PGM2: variants seen among roughly 807,000 people sequenced by gnomAD.
PGM2 encodes phosphoglucomutase 2, also known as phosphopentomutase.
Under a neutral mutation model 74.6 loss-of-function variants are expected in PGM2, and 57 were observed. The ratio of observed to expected loss-of-function variants is 0.76; its 90% CI spans 0.62 to 0.95. The LOEUF is 0.95. Ranked by LOEUF, PGM2 falls within the 40% of genes least tolerant of loss-of-function variation. The pLI is 0.00. For missense variants in PGM2, 706 were observed against 741.9 expected, an observed-to-expected ratio of 0.95 and a Z score of 0.56; for synonymous variants, 273 against 260.7, an observed-to-expected ratio of 1.05 and a Z score of -0.46.
At chr4:37,831,805 C>T (rs961113460) in intron 2 of PGM2, among the ~76,000 whole-genome samples, 1 of 152,156 alleles carries the variant, frequency 6.6e-6, no homozygotes, top group Admixed American at 6.5e-5. Context: ...AAGGAGAGGG[C>T]ACATAGATAC....
chr4:37,845,031 T>C (rs541653912), intron 7 of PGM2, among the ~76,000 whole-genome samples: 1 of 151,986 alleles, frequency 6.6e-6, no homozygotes, highest in East Asian at 1.9e-4. Context: ...ATTAATTTCT[T>C]AAAGGATCTT....
chr4:37,836,959 G>A (rs898478943), intron 3 of PGM2, among the ~76,000 whole-genome samples: 1 of 152,098 alleles, frequency 6.6e-6, no homozygotes, highest in Non-Finnish European at 1.5e-5. Context: ...TCTGTGTGGT[G>A]TACGCTGGAT....
chr4:37,827,505 T>C (rs1725324487), intron 1 of PGM2, among the ~76,000 whole-genome samples: 1 of 152,018 alleles, frequency 6.6e-6, no homozygotes, highest in South Asian at 2.1e-4. Context: ...GCTGTTAGGT[T>C]TTCTCGGAAT....
chr4:37,855,966 A>C (rs1726181905), intron 13 of PGM2, among the ~76,000 whole-genome samples: 1 of 152,128 alleles, frequency 6.6e-6, no homozygotes, highest in Non-Finnish European at 1.5e-5. Flanking sequence ...TGTATGGGAA[A>C]ATTTTATCCT....
At position 37,845,608 on chromosome 4, in the gene PGM2, C is replaced by A. The variant is rs868040751; in HGVS notation, c.910-25C>A. 7.5e-6 allele frequency: 11 copies of A among 1,468,138 alleles called. No individual in the cohort carries two copies. The Middle Eastern group carries it at 1.6e-3, about 208-fold the overall frequency. 90.9% of individuals were successfully genotyped at this position (1,468,138 alleles called of 1,614,324 possible). The stretch of plus-strand genomic sequence containing the variant: ...TATGCTCGATTCTTGATTAAATAAT[C>A]TTTTATTTTCATATTCTTCTTCAGA... On this transcript the variant is annotated intron_variant, in intron 7 of 13. Coordinates refer to ENST00000381967, the MANE Select transcript of PGM2 (RefSeq NM_018290.4).
At chr4:37,836,337 A>G (rs376473058) in intron 3 of PGM2, among the ~76,000 whole-genome samples, 115 of 152,354 alleles carry the variant, frequency 7.5e-4, no homozygotes, top group Middle Eastern at 3.4e-3. Context: ...ATCATAATGT[A>G]AGTGTTTAAC....
At chr4:37,851,870 AG>A (rs1281627709) in intron 12 of PGM2, among the ~76,000 whole-genome samples, 1 of 152,138 alleles carries the variant, frequency 6.6e-6, no homozygotes, top group Non-Finnish European at 1.5e-5. Flanking sequence ...TATTATGACT[AG>A]TAACTGCTGT....
rs1472776770 is a variant in PGM2, at chr4:37,826,708, C to A, written c.-25C>A. 6.5e-7 allele frequency: 1 copy of A among 1,536,802 alleles called. No homozygotes were observed. The highest frequency in any genetic ancestry group is 8.8e-7 in the Non-Finnish European group (1 of 1,134,382). ...GGCAGATCTCACCGCCTGCTTCCCT[C>A]TGCAGCGGTAGCACAAGCTCAGCGA... On this transcript the variant is annotated 5_prime_UTR_variant, in exon 1 of 14. It adds an upstream start codon to the 5' untranslated region. Transcript: ENST00000381967.
At chr4:37,845,873 G>GA in intron 8 of PGM2, 143 bp downstream of exon 8, 1 of 626,904 alleles carries the variant, frequency 1.6e-6, no homozygotes, top group Non-Finnish European at 2.8e-6. Context: ...ACCTCCTGTA[G>GA]AGTCTTCTAA....
At chr4:37,853,402 C>T (rs1015431283) in intron 12 of PGM2, among the ~76,000 whole-genome samples, 1 of 144,636 alleles carries the variant, frequency 6.9e-6, no homozygotes, top group African/African-American at 2.6e-5. Flanking sequence ...AATATCTTAC[C>T]TCTCTAAGGA....
At chr4:37,858,045 T>C (rs1418596538) in intron 13 of PGM2, among the ~76,000 whole-genome samples, 1 of 152,114 alleles carries the variant, frequency 6.6e-6, no homozygotes, top group African/African-American at 2.4e-5. Context: ...GATGAAAATA[T>C]ATCTTATACT....
At chr4:37,855,583 T>G in intron 12 of PGM2, 25 bp from the exon 13 acceptor site, 1 of 1,604,328 alleles carries the variant, frequency 6.2e-7, no homozygotes, top group African/African-American at 1.3e-5. Context: ...CTATTTAAAT[T>G]TATAATGTGT....
At position 37,847,041 on chromosome 4, in the gene PGM2, A is replaced by G. The variant is rs753998019; in HGVS notation, c.1118A>G (p.Tyr373Cys). 6.2e-7 allele frequency: 1 copy of G among 1,613,726 alleles called. No homozygotes were observed. The highest frequency in any genetic ancestry group is 1.1e-5 in the South Asian group (1 of 91,068). Residue 373 changes from tyrosine to cysteine, a missense_variant, in exon 9 of 14, where the codon TAC becomes TGC. Physicochemically the swap from Tyr to Cys is radical, Grantham distance 194 (BLOSUM62 -2). Around this residue, in one of 3 missense-constraint regions of PGM2, gnomAD observed 359 missense variants for 371.1 expected, o/e 0.97. Transcript: ENST00000381967. ...NQDRSALKDT[Y>C]MLSSTVSSKI... is the part of the protein sequence containing the mutation. ...GATCGCAGTGCTCTCAAAGACACGT[A>G]CATGTTGTCCAGCACCGTCTCCTCC...
intron 6 of PGM2, among the ~76,000 whole-genome samples, chr4:37,841,704 C>G (rs958118847): frequency 6.6e-6 from 1 of 152,176 alleles, no homozygotes; most frequent in Admixed American, 6.5e-5. Context: ...AGACAAAATA[C>G]GTCTGTGAAC....
chr4:37,855,483 C>G, intron 12 of PGM2, 125 bp from the exon 13 acceptor site: 2 of 794,814 alleles, frequency 2.5e-6, no homozygotes, highest in Middle Eastern at 3.1e-4. Context: ...TGATTTCCTC[C>G]AGAATGTTTT....
intron 2 of PGM2, among the ~76,000 whole-genome samples, chr4:37,831,192 C>CAAAAAAAAAAAAAA (rs11432971): frequency 2.7e-5 from 2 of 74,072 alleles, no homozygotes; most frequent in East Asian, 3.4e-4. Context: ...GACTCTGTCT[C>CAAAAAAAAAAAAAA]AAAAAAAAAA....
intron 3 of PGM2, among the ~76,000 whole-genome samples, 184 bp from the exon 4 acceptor site, chr4:37,837,345 A>G (rs1725595166): frequency 6.6e-6 from 1 of 152,216 alleles, no homozygotes; most frequent in Non-Finnish European, 1.5e-5. Context: ...GTGAAATGAG[A>G]TGACTCCTGA....
At position 37,830,125 on chromosome 4, in the gene PGM2, T is replaced by C; in HGVS notation, c.243T>C (p.Thr81=). The change falls in exon 2 of 14, where the codon ACT becomes ACC. Residue 81 remains threonine, a synonymous_variant. Transcript: ENST00000381967. ...SRMNDLTIIQ[T]TQGFCRYLEK... is the part of the protein sequence containing the mutation. ...TGAATGACTTGACCATCATCCAGACTACACAGGTACCATGTTTTTTATAAT... is the reference window on the plus strand; with the variant it reads ...TGAATGACTTGACCATCATCCAGACCACACAGGTACCATGTTTTTTATAAT... The C allele has an allele frequency of 6.4e-7, 1 of 1,556,050 alleles. No homozygotes were observed.
rs1258528520 is a variant in PGM2 at position 37,839,738 on chromosome 4, T to C, written c.442-110T>C. The C allele has an allele frequency of 5.7e-6, 4 of 705,918 alleles. No homozygotes were observed. The East Asian group carries it at 8.1e-5, about 14-fold the overall frequency. The allele number at this position is 705,918 out of a possible 1,614,324, so 43.7% of individuals were successfully genotyped here. ...AAAATATTATGCTATTTATATATTATGTTTATTAAAAGGGAGCAAGTTGGC... is the reference window on the plus strand; with the variant it reads ...AAAATATTATGCTATTTATATATTACGTTTATTAAAAGGGAGCAAGTTGGC... On this transcript the variant is annotated intron_variant, in intron 4 of 13. Transcript: ENST00000381967.
Sources: allele counts gnomAD v4.1 joint callset (sites outside exome capture counted in the v4.1 genomes callset), GRCh38; gene constraint gnomAD v4.1.1; regional missense constraint gnomAD v4.1.1; transcripts MANE v1.5; gene names NCBI Gene and HGNC (gene_info 2026-07-23, HGNC 2026-07-21).